Variants in ZNF469 observed in about 807,000 individuals in gnomAD.
ZNF469 encodes the protein zinc finger protein 469.
A neutral mutation model predicts 1.0 loss-of-function variants in ZNF469; 1 was observed. That is an observed-to-expected ratio of 1.00 (90% CI 0.35 to 4.73). ZNF469 has a LOEUF of 4.73. ZNF469 is among the 30% of genes most tolerant of loss of function. The pLI is 0.16. For synonymous variants in ZNF469, 2,703 were observed against 2,363.4 expected, an observed-to-expected ratio of 1.14 and a Z score of -4.17; for missense variants, 6,100 against 5,356.3, an observed-to-expected ratio of 1.14 and a Z score of -4.33.
chr16:88,186,432 G>A, the ZNF469 span, among the ~76,000 whole-genome samples: 4 of 152,326 alleles, frequency 2.6e-5, no homozygotes, highest in African/African-American at 7.2e-5. Flanking sequence ...GGGAGGCTGC[G>A]GCCCATCGTG....
the ZNF469 span, among the ~76,000 whole-genome samples, chr16:88,199,978 A>C: frequency 6.6e-6 from 1 of 152,084 alleles, no homozygotes; most frequent in African/African-American, 2.4e-5. Flanking sequence ...AGGGCCCTTC[A>C]TGCCGGGCTC....
chr16:88,181,392 T>G, the ZNF469 span, among the ~76,000 whole-genome samples: 1 of 152,216 alleles, frequency 6.6e-6, no homozygotes. Flanking sequence ...TTTTTACAAA[T>G]GCACATGGAG....
At chr16:88,249,429 CTTTTTTT>C in the ZNF469 span, among the ~76,000 whole-genome samples, 9 of 63,614 alleles carry the variant, frequency 1.4e-4, no homozygotes, top group African/African-American at 7.6e-4. Context: ...TTTTCTTTTT[CTTTTTTT>C]TTTTTTTTTT....
At chr16:88,110,128 A>G in the ZNF469 span, among the ~76,000 whole-genome samples, 16 of 152,210 alleles carry the variant, frequency 1.1e-4, no homozygotes, top group African/African-American at 3.6e-4. Context: ...ACATGAAATC[A>G]TTAACACTTC....
At chr16:88,200,857 C>G in the ZNF469 span, among the ~76,000 whole-genome samples, 2 of 152,274 alleles carry the variant, frequency 1.3e-5, no homozygotes, top group Non-Finnish European at 2.9e-5. Flanking sequence ...GGTCCCCGCC[C>G]TCCCACTCAG....
chr16:88,147,189 G>T, the ZNF469 span, among the ~76,000 whole-genome samples: 2 of 152,050 alleles, frequency 1.3e-5, no homozygotes, highest in African/African-American at 4.8e-5. Context: ...CACGCAGCTG[G>T]CTCTGATGGC....
the ZNF469 span, among the ~76,000 whole-genome samples, chr16:88,230,880 C>T: frequency 6.6e-6 from 1 of 151,902 alleles, no homozygotes; most frequent in African/African-American, 2.4e-5. Context: ...TGGCAGAGGC[C>T]CGGGCTCTCA....
intron 1 of ZNF469, among the ~76,000 whole-genome samples, chr16:88,410,848 G>A (rs1333713897): frequency 1.1e-4 from 16 of 152,154 alleles, no homozygotes; most frequent in Admixed American, 9.2e-4. Flanking sequence ...GCGATGACCC[G>A]ACAGGTGTGG....
chr16:88,296,325 G>T, the ZNF469 span, among the ~76,000 whole-genome samples: 91 of 152,284 alleles, frequency 6.0e-4, no homozygotes, highest in Non-Finnish European at 5.9e-5. Context: ...CTCCAGCTGC[G>T]TGGGGGTGGG....
At chr16:88,249,555 G>C in the ZNF469 span, among the ~76,000 whole-genome samples, 1 of 146,696 alleles carries the variant, frequency 6.8e-6, no homozygotes, top group East Asian at 2.1e-4. Flanking sequence ...TCCTGCCTCA[G>C]CCTCCAAAGT....
At chr16:88,297,296 G>C in the ZNF469 span, among the ~76,000 whole-genome samples, 2 of 152,338 alleles carry the variant, frequency 1.3e-5, no homozygotes, top group African/African-American at 4.8e-5. Context: ...TATGATCAAA[G>C]AGGTTCCGTT....
At chr16:88,399,523 G>C (rs1237141866) in intron 1 of ZNF469, among the ~76,000 whole-genome samples, 2 of 152,236 alleles carry the variant, frequency 1.3e-5, no homozygotes, top group South Asian at 4.1e-4. Context: ...GTGGGTGGCA[G>C]GGGCAGACAG....
Position 88,428,645 on chromosome 16 carries a change from G to T in ZNF469, c.1175G>T (p.Gly392Val), listed in dbSNP as rs1274891332. 11 of 1,550,166 alleles carry T rather than the reference G, an allele frequency of 7.1e-6. No homozygotes were observed. Among genetic ancestry groups the T allele is most frequent in the Non-Finnish European group, 9.6e-6 (11 of 1,146,866 alleles). ...ERPPSAQDGL[G>V]STRGPPSSLP... ...CCACCTTCAGCCCAGGATGGGCTGG[G>T]GAGCACGAGAGGGCCCCCTAGCTCC... The change falls in exon 3 of 3, where the codon GGG becomes GTG. Residue 392 changes from glycine (G) to valine (V), a missense_variant. By Grantham distance (109) the Gly-to-Val change is moderately radical. Transcript: ENST00000565624.
chr16:88,160,428 A>G, the ZNF469 span, among the ~76,000 whole-genome samples: 17 of 152,072 alleles, frequency 1.1e-4, no homozygotes, highest in African/African-American at 4.1e-4. Context: ...TGATCACTGC[A>G]CTGGAATGTG....
At chr16:88,316,793 C>T in the ZNF469 span, among the ~76,000 whole-genome samples, 2 of 151,958 alleles carry the variant, frequency 1.3e-5, no homozygotes, top group Non-Finnish European at 2.9e-5. Context: ...GTGATCCACC[C>T]GCCTCAGCCT....
At chr16:88,317,872 C>A in the ZNF469 span, among the ~76,000 whole-genome samples, 1 of 152,212 alleles carries the variant, frequency 6.6e-6, no homozygotes, top group Non-Finnish European at 1.5e-5. Context: ...CTGAACCGGG[C>A]CTGTCTCAGA....
At chr16:88,341,622 G>A in the ZNF469 span, among the ~76,000 whole-genome samples, 1 of 152,232 alleles carries the variant, frequency 6.6e-6, no homozygotes, top group Admixed American at 6.5e-5. Flanking sequence ...ACGGAGCCAG[G>A]GTGGCAGCAG....
the ZNF469 span, among the ~76,000 whole-genome samples, chr16:88,224,581 ACTGAGGCGCAGAGAGGCTGAGCAGC>A: frequency 6.6e-6 from 1 of 152,054 alleles, no homozygotes; most frequent in Non-Finnish European, 1.5e-5. Flanking sequence ...TGATGAGGAG[ACTGAGGCGCAGAGAGGCTGAGCAGC>A]CTGACACGCA....
chr16:88,243,949 T>TATAAAA, the ZNF469 span, among the ~76,000 whole-genome samples: 1 of 94,262 alleles, frequency 1.1e-5, no homozygotes, highest in Non-Finnish European at 2.3e-5. Context: ...TATATATATA[T>TATAAAA]ATAAATGTAT....
Sources: gnomAD v4.1 joint callset for allele counts (sites outside exome capture counted in the v4.1 genomes callset) on GRCh38, gnomAD v4.1.1 for gene constraint, MANE v1.5 for transcripts, NCBI Gene and HGNC (gene_info 2026-07-23, HGNC 2026-07-21) for gene names.